The following F10 variants were observed in gnomAD, a reference collection of about 807,000 sequenced individuals.
F10 encodes coagulation factor X, also known as Stuart-Prower factor.
F10 carries 29 observed loss-of-function variants against 37.1 expected under a neutral mutation model. That is an observed-to-expected ratio of 0.78 (90% confidence interval 0.58 to 1.07). The LOEUF is 1.07. Among genes scored for constraint, F10 ranks in the 50% least tolerant of loss-of-function variants. F10 has a pLI of 0.00. For synonymous variants in F10, 262 were observed against 268.6 expected, an observed-to-expected ratio of 0.98 and a Z score of 0.24; for missense variants, 539 against 667.9, an observed-to-expected ratio of 0.81 and a Z score of 2.13.
intron 5 of F10, among the ~76,000 whole-genome samples, chr13:113,142,086 T>G (rs1246759259): frequency 6.6e-6 from 1 of 152,234 alleles, no homozygotes; most frequent in Non-Finnish European, 1.5e-5. Context: ...CTGCTTCAAT[T>G]ATGTGCCTGA....
chr13:113,128,607 C>T (rs992689365), intron 1 of F10: 2 of 152,326 alleles, frequency 1.3e-5, no homozygotes, highest in Admixed American at 1.3e-4. Flanking sequence ...ATCCTGTAAT[C>T]CCAGCACTTT....
rs577377485 is a variant in F10, at chr13:113,145,662, G to A, written c.747+1567G>A. On this transcript the variant is annotated intron_variant, in intron 6 of 7. Transcript: ENST00000375559. ...AGGTTGAATGAACTCACAGTTCCAC[G>A]TGGCTGGGGAGGCCTCACCGTCACG... 2.4e-3 allele frequency among the ~76,000 whole-genome samples: 365 copies of A among 152,296 alleles called. 1 individual carries two copies. The highest frequency in any genetic ancestry group is 8.1e-3 in the African/African-American group (338 of 41,554).
At chr13:113,126,149 G>A (rs1595086340) in intron 1 of F10, among the ~76,000 whole-genome samples, 2 of 152,270 alleles carry the variant, frequency 1.3e-5, no homozygotes, top group East Asian at 3.9e-4. Flanking sequence ...AGGCCTGGGA[G>A]GCCTGGCCAT....
rs2036408107 is a variant in F10, at chr13:113,129,607, A to G, written c.226A>G (p.Lys76Glu). Residue 76 changes from lysine to glutamate, a missense_variant, in exon 2 of 8, where the codon AAG (lysine) becomes GAG (glutamate). Physicochemically the swap from Lys to Glu is moderately conservative, Grantham distance 56. Transcript: ENST00000375559. ...CCGCGAGGTCTTTGAGGACAGCGAC[A>G]AGACGGTAAGGGCTGGGGATAGCCT... ...EAREVFEDSD[K>E]TNEFWNKYKD... is the part of the protein sequence containing the mutation. The G allele has an allele frequency of 6.2e-7, 1 of 1,614,046 alleles. No homozygotes were observed. Among genetic ancestry groups the G allele is most frequent in the Non-Finnish European group, 8.5e-7 (1 of 1,180,018 alleles).
At position 113,149,419 on chromosome 13, in the gene F10, G is replaced by A. The variant is rs777379687; in HGVS notation, c.1369G>A (p.Ala457Thr). 2.2e-5 allele frequency: 35 copies of A among 1,613,120 alleles called. 1 individual carries two copies. The East Asian group carries it at 2.5e-4, about 11-fold the overall frequency. Residue 457 changes from alanine (A) to threonine (T), a missense_variant, in exon 8 of 8, where the codon GCC becomes ACC. Around this residue, in one of 2 missense-constraint regions of F10, gnomAD observed 409 missense variants for 547.9 expected, o/e 0.75. Coordinates refer to ENST00000375559, the MANE Select transcript of F10 (RefSeq NM_000504.4). The surrounding 1 kb of genome is among the most constrained non-coding windows in gnomAD (Gnocchi z 7.5). Reference sequence around the variant, plus strand: ...GTACGGGATCTACACCAAGGTCACCGCCTTCCTCAAGTGGATCGACAGGTC... The same window carrying A: ...GTACGGGATCTACACCAAGGTCACCACCTTCCTCAAGTGGATCGACAGGTC... Reference protein sequence around the residue: ...GKYGIYTKVTAFLKWIDRSMK... With the variant: ...GKYGIYTKVTTFLKWIDRSMK...
rs2036561270 is a variant in F10, at chr13:113,144,345, C to T, written c.747+250C>T. On this transcript the variant is annotated intron_variant, in intron 6 of 7. Transcript: ENST00000375559. The surrounding 1 kb of genome is among the most constrained non-coding windows in gnomAD (Gnocchi z 6.4). ...GGCCCAGGCAACGCCCCCCTCAGCC[C>T]CTTCCCACTGGGCATTTCCATGGCT... 3.4e-6 allele frequency: 2 copies of T among 586,356 alleles called. No homozygotes were observed. Among genetic ancestry groups the T allele is most frequent in the South Asian group, 2.0e-5 (1 of 50,730 alleles). 36.3% of individuals were successfully genotyped at this position (586,356 alleles called of 1,614,324 possible). A position where few individuals can be genotyped will look rare whatever the true frequency, so the allele number is the denominator to read the frequency against.
rs745449796 is a variant in F10, at chr13:113,141,808, G to A, written c.502+758G>A. 6.6e-6 allele frequency among the ~76,000 whole-genome samples: 1 copy of A among 152,300 alleles called. No homozygotes were observed. The highest frequency in any genetic ancestry group is 1.9e-4 in the East Asian group (1 of 5,170). The stretch of plus-strand genomic sequence containing the variant: ...ACTCATAGCTGGCCCGACCCGCAGC[G>A]TTGGCCTCACCCGGGGGCATATTCG... On this transcript the variant is annotated intron_variant, in intron 5 of 7. Coordinates refer to ENST00000375559, the MANE Select transcript of F10 (RefSeq NM_000504.4). This position sits in a 1 kb window ranked among gnomAD's most constrained non-coding sequence, Gnocchi z 5.4.
intron 6 of F10, among the ~76,000 whole-genome samples, chr13:113,145,325 C>G (rs976648687): frequency 9.9e-5 from 15 of 152,188 alleles, no homozygotes; most frequent in Non-Finnish European, 1.3e-4. Context: ...TATACCAGGT[C>G]CTAATCTTTG....
chr13:113,144,163 C>T lies in F10; in HGVS notation c.747+68C>T, dbSNP rs911060487. On this transcript the variant is annotated intron_variant, in intron 6 of 7. Transcript: ENST00000375559. This position sits in a 1 kb window ranked among gnomAD's most constrained non-coding sequence, Gnocchi z 6.4. ...TGTCCCGCTGTGCACCTCGGGGAGG[C>T]CAGCCTGACACTTGGAATAGCAATC... The T allele has an allele frequency of 7.5e-6, 12 of 1,603,760 alleles. No homozygotes were observed. In the African/African-American group the frequency reaches 1.3e-4, roughly 18 times the overall value.
intron 7 of F10, among the ~76,000 whole-genome samples, chr13:113,148,289 C>T (rs2036600194): frequency 1.4e-5 from 2 of 146,608 alleles, no homozygotes; most frequent in African/African-American, 5.1e-5. Flanking sequence ...TGAGATTGTG[C>T]CATTGCACTC....
rs961359648 is a variant in F10, at chr13:113,143,707, C to A, written c.503-144C>A. 2.8e-5 allele frequency: 34 copies of A among 1,226,906 alleles called. No homozygotes were observed. The highest frequency in any genetic ancestry group is 2.3e-4 in the Admixed American group (10 of 43,844). The allele number at this position is 1,226,906 out of a possible 1,614,324, so 76.0% of individuals were successfully genotyped here. A position where few individuals can be genotyped will look rare whatever the true frequency, so the allele number is the denominator to read the frequency against. On this transcript the variant is annotated intron_variant, in intron 5 of 7. Transcript: ENST00000375559. This position sits in a 1 kb window ranked among gnomAD's most constrained non-coding sequence, Gnocchi z 6.8. ...TCCGACCCCTGCCGACGACGTGGGGCCTCGCCCTGCAAGCCCGCTGCCCCT... is the reference window on the plus strand; with the variant it reads ...TCCGACCCCTGCCGACGACGTGGGGACTCGCCCTGCAAGCCCGCTGCCCCT...
rs2036557712 is a variant in F10 at position 113,144,005 on chromosome 13, C to T, written c.657C>T (p.Asp219=). 1.9e-6 allele frequency: 3 copies of T among 1,613,668 alleles called. No individual in the cohort carries two copies. The South Asian group carries it at 3.3e-5, about 18-fold the overall frequency. Residue 219 remains aspartate, a synonymous_variant, in exon 6 of 8, where the codon GAC becomes GAT. Transcript: ENST00000375559. This position sits in a 1 kb window ranked among gnomAD's most constrained non-coding sequence, Gnocchi z 6.4. ...DPTENPFDLL[D]FNQTQPERGD... ...CCGAGAACCCCTTCGACCTGCTTGACTTCAACCAGACGCAGCCTGAGAGGG... is the reference window on the plus strand; with the variant it reads ...CCGAGAACCCCTTCGACCTGCTTGATTTCAACCAGACGCAGCCTGAGAGGG...
At chr13:113,123,448 G>A (rs1305858152) in intron 1 of F10, among the ~76,000 whole-genome samples, 1 of 152,194 alleles carries the variant, frequency 6.6e-6, no homozygotes, top group Non-Finnish European at 1.5e-5. Flanking sequence ...CTGGACAGGT[G>A]GGGGCAGCAG....
At chr13:113,130,299 G>C (rs931186830) in intron 2 of F10, 1 of 155,482 alleles carries the variant, frequency 6.4e-6, no homozygotes, top group South Asian at 2.0e-4. Flanking sequence ...CGATTGCGCA[G>C]CCGCAGCAGC....
intron 4 of F10, chr13:113,140,695 C>G (rs755280684): frequency 2.8e-5 from 20 of 709,206 alleles, no homozygotes; most frequent in Non-Finnish European, 5.1e-5. Context: ...GGGCAGGTAC[C>G]TGGAGCCTGG....
chr13:113,140,526 C>G (rs939126869), intron 4 of F10: 5 of 481,346 alleles, frequency 1.0e-5, no homozygotes, highest in Non-Finnish European at 2.1e-5. Flanking sequence ...TAACCCTGTT[C>G]AGGCTCCCAG....
chr13:113,145,828 T>TCA (rs1375154792), intron 6 of F10, among the ~76,000 whole-genome samples: 1 of 152,200 alleles, frequency 6.6e-6, no homozygotes, highest in Non-Finnish European at 1.5e-5. Flanking sequence ...GAAACCGCCC[T>TCA]CACGATTCAG....
intron 1 of F10, among the ~76,000 whole-genome samples, chr13:113,126,768 T>C (rs1340347209): frequency 6.6e-6 from 1 of 152,082 alleles, no homozygotes; most frequent in Non-Finnish European, 1.5e-5. Flanking sequence ...GAGTCCCAGT[T>C]TGGGAAACAC....
chr13:113,145,087 A>C (rs1455810254), intron 6 of F10, among the ~76,000 whole-genome samples: 19 of 152,280 alleles, frequency 1.2e-4, no homozygotes, highest in Non-Finnish European at 1.8e-4. Context: ...TCACCGTGTT[A>C]GCCAGGATGG....
Sources: allele counts gnomAD v4.1 joint callset (sites outside exome capture counted in the v4.1 genomes callset), GRCh38; gene constraint gnomAD v4.1.1; regional missense constraint gnomAD v4.1.1; non-coding constraint Gnocchi (gnomAD v3.1); transcripts MANE v1.5; gene names NCBI Gene and HGNC (gene_info 2026-07-23, HGNC 2026-07-21).